STAU2: variants seen among roughly 807,000 people sequenced by gnomAD.
STAU2 encodes the protein double-stranded RNA-binding protein Staufen homolog 2.
Under a neutral mutation model 65.9 loss-of-function variants are expected in STAU2, and 20 were observed. That is an observed-to-expected ratio of 0.30 (90% CI 0.21 to 0.44). The LOEUF (loss-of-function observed/expected upper bound fraction) is 0.44, where lower values mean the gene tolerates loss of function less well. Ranked by LOEUF, STAU2 falls within the 20% of genes least tolerant of loss-of-function variation. The pLI, the probability that STAU2 is intolerant of heterozygous loss-of-function variation, is 1.00. For missense variants in STAU2, 558 were observed against 683.9 expected, an observed-to-expected ratio of 0.82 and a Z score of 2.05; for synonymous variants, 232 against 233.9, an observed-to-expected ratio of 0.99 and a Z score of 0.07.
At chr8:73,608,861 G>A (rs1368507077) in intron 9 of STAU2, among the ~76,000 whole-genome samples, 1 of 151,558 alleles carries the variant, frequency 6.6e-6, no homozygotes, top group Non-Finnish European at 1.5e-5. Flanking sequence ...ATGGTGGTGG[G>A]CACCTGTAAT....
chr8:73,513,573 A>G (rs1395550613), intron 13 of STAU2, among the ~76,000 whole-genome samples: 2 of 151,864 alleles, frequency 1.3e-5, no homozygotes, highest in Non-Finnish European at 2.9e-5. Context: ...GCCCTCTTTG[A>G]TATCTCCTGC....
chr8:73,436,776 G>A (rs1182675466), intron 13 of STAU2, among the ~76,000 whole-genome samples: 2 of 151,874 alleles, frequency 1.3e-5, no homozygotes, highest in African/African-American at 2.4e-5. Flanking sequence ...CAGTAGAGAC[G>A]GGTTTTCACC....
At chr8:73,673,601 A>C (rs1817840570) in intron 5 of STAU2, among the ~76,000 whole-genome samples, 1 of 152,182 alleles carries the variant, frequency 6.6e-6, no homozygotes, top group Non-Finnish European at 1.5e-5. Flanking sequence ...TTTAATCATT[A>C]AAAACATCAT....
At position 73,630,370 on chromosome 8, in the gene STAU2, GA is replaced by G. The variant is rs1159332412; in HGVS notation, c.411-12920del. ...AGGTAAAACACAGCAACAAATAAGGGAGATGATATTGGTAGAGACAATATTG... is the reference window on the plus strand; with the variant it reads ...AGGTAAAACACAGCAACAAATAAGGGGATGATATTGGTAGAGACAATATTG... On this transcript the variant is annotated intron_variant, in intron 6 of 14. Coordinates refer to ENST00000524300, the MANE Select transcript of STAU2 (RefSeq NM_001164380.2). 2.6e-5 allele frequency among the ~76,000 whole-genome samples: 4 copies of G among 152,340 alleles called. No individual in the cohort carries two copies. In the East Asian group the frequency reaches 7.7e-4, roughly 29 times the overall value.
In STAU2 at chr8:73,617,307, T is replaced by C. The variant is rs1334720393; in HGVS notation, c.555A>G (p.Pro185=). The C allele has an allele frequency of 6.2e-7, 1 of 1,614,096 alleles. No individual in the cohort carries two copies. Among genetic ancestry groups the C allele is most frequent in the East Asian group, 2.2e-5 (1 of 44,878 alleles). ...AGCACCACACCTGAGGAGATCTTTC[T>C]GGAATAGGTTCATTCTGCAGTGCTT... ...ALQALQNEPI[P]ERSPQNGESG... Residue 185 remains proline, a synonymous_variant, in exon 7 of 15, where the codon CCA becomes CCG. Coordinates refer to ENST00000524300, the MANE Select transcript of STAU2 (RefSeq NM_001164380.2).
rs1423574415 is a variant in STAU2 at position 73,550,136 on chromosome 8, C to A, written c.1530+1876G>T. 6.1e-6 allele frequency: 6 copies of A among 985,230 alleles called. No individual in the cohort carries two copies. In the Admixed American group the frequency reaches 1.8e-4, roughly 30 times the overall value. The allele number at this position is 985,230 out of a possible 1,614,324, so 61.0% of individuals were successfully genotyped here. A position where few individuals can be genotyped will look rare whatever the true frequency, so the allele number is the denominator to read the frequency against. ...TTTACATCAATACCAGCTCATTCAA[C>A]CAAAGAAGCACAGTAATATTTTAAA... On this transcript the variant is annotated intron_variant, in intron 13 of 14. Coordinates refer to ENST00000524300, the MANE Select transcript of STAU2 (RefSeq NM_001164380.2).
At position 73,724,217 on chromosome 8, in the gene STAU2, T is replaced by G. The variant is rs533444279; in HGVS notation, c.-18+14067A>C. Among the ~76,000 whole-genome samples, 6 of 152,182 alleles carry G rather than the reference T, an allele frequency of 3.9e-5. No homozygotes were observed. The South Asian group carries it at 1.2e-3, about 32-fold the overall frequency. On this transcript the variant is annotated intron_variant, in intron 3 of 14. Transcript: ENST00000524300. ...ATTAAGACCTGAATGTCTTAATCAT[T>G]GTTGTTTCTACATATTTTGTTTTTT...
chr8:73,436,568 T>TTTTTTTTATTTA (rs140061730), intron 13 of STAU2, among the ~76,000 whole-genome samples: 6 of 141,468 alleles, frequency 4.2e-5, no homozygotes, highest in South Asian at 2.3e-4. Flanking sequence ...TTTGCCAATT[T>TTTTTTTTATTTA]TTTATTTATT....
At chr8:73,650,936 C>T (rs1393402684) in intron 6 of STAU2, among the ~76,000 whole-genome samples, 3 of 152,282 alleles carry the variant, frequency 2.0e-5, no homozygotes, top group African/African-American at 4.8e-5. Flanking sequence ...CAAGCAAAAA[C>T]GTCAAGTCGA....
intron 13 of STAU2, among the ~76,000 whole-genome samples, chr8:73,528,376 T>C (rs1805584188): frequency 6.6e-6 from 1 of 152,218 alleles, no homozygotes. Flanking sequence ...GTGGTCACAA[T>C]ATTATCTTTC....
chr8:73,454,151 TA>T, intron 13 of STAU2, among the ~76,000 whole-genome samples: 1 of 152,312 alleles, frequency 6.6e-6, no homozygotes, highest in East Asian at 1.9e-4. Context: ...GAGCAAGCTG[TA>T]AAAAAGGAAT....
chr8:73,431,323 A>C (rs1817270450), intron 13 of STAU2, among the ~76,000 whole-genome samples: 1 of 151,168 alleles, frequency 6.6e-6, no homozygotes, highest in Non-Finnish European at 1.5e-5. Context: ...CTGGAATCTT[A>C]AACTCAGCTT....
At chr8:73,506,867 C>T (rs79602273) in intron 13 of STAU2, among the ~76,000 whole-genome samples, 2,918 of 152,230 alleles carry the variant, frequency 0.019, 93 homozygotes, top group African/African-American at 0.068. Context: ...TTTGTCATTT[C>T]AACACACTCA....
intron 6 of STAU2, among the ~76,000 whole-genome samples, chr8:73,635,910 A>C (rs953892686): frequency 2.0e-4 from 14 of 71,590 alleles, no homozygotes; most frequent in African/African-American, 7.2e-4. Context: ...CCCCTGAACC[A>C]CACACACACA....
chr8:73,601,356 C>T (rs1184406536), intron 10 of STAU2, among the ~76,000 whole-genome samples: 1 of 152,082 alleles, frequency 6.6e-6, no homozygotes, highest in Non-Finnish European at 1.5e-5. Context: ...GATTAAAATA[C>T]TCCTCACCAA....
intron 3 of STAU2, among the ~76,000 whole-genome samples, chr8:73,710,243 C>T (rs1317905655): frequency 6.6e-6 from 1 of 151,868 alleles, no homozygotes; most frequent in Non-Finnish European, 1.5e-5. Flanking sequence ...TTCTCCACTA[C>T]TATTTTATGT....
intron 13 of STAU2, among the ~76,000 whole-genome samples, chr8:73,523,892 G>A (rs1808388957): frequency 6.6e-6 from 1 of 152,102 alleles, no homozygotes; most frequent in Non-Finnish European, 1.5e-5. Context: ...TTGTGTAGTT[G>A]AGTCAGGTAA....
At chr8:73,716,370 G>A (rs535370905) in intron 3 of STAU2, among the ~76,000 whole-genome samples, 3 of 152,324 alleles carry the variant, frequency 2.0e-5, no homozygotes, top group East Asian at 1.9e-4. Context: ...GATTACAGGC[G>A]TGAGCCACTG....
chr8:73,693,438 G>A (rs1271060676), intron 4 of STAU2, among the ~76,000 whole-genome samples: 1 of 148,824 alleles, frequency 6.7e-6, no homozygotes, highest in African/African-American at 2.5e-5. Context: ...CAGCGCCACT[G>A]CAGTCCAGCC....
Sources: gnomAD v4.1 joint callset for allele counts (sites outside exome capture counted in the v4.1 genomes callset) on GRCh38, gnomAD v4.1.1 for gene constraint, MANE v1.5 for transcripts, NCBI Gene and HGNC (gene_info 2026-07-23, HGNC 2026-07-21) for gene names.